FGF14: variants seen among roughly 807,000 people sequenced by gnomAD.
FGF14 encodes the protein fibroblast growth factor homologous factor 4.
In FGF14, 5 loss-of-function variants were observed where a neutral mutation model predicts 25.5. The ratio of observed to expected loss-of-function variants is 0.20; its 90% CI spans 0.10 to 0.41. FGF14 has a LOEUF of 0.41. Among genes scored for constraint, FGF14 ranks in the 10% least tolerant of loss-of-function variants. The pLI is 1.00. For synonymous variants in FGF14, 138 were observed against 118.3 expected (o/e 1.17, Z -1.08); for missense variants, 222 against 320.1 (o/e 0.69, Z 2.34).
At chr13:102,296,012 G>T (rs2054689756) in intron 1 of FGF14, among the ~76,000 whole-genome samples, 1 of 152,154 alleles carries the variant, frequency 6.6e-6, no homozygotes. Context: ...GCTCCTTAAT[G>T]TTGGTTATGT....
At chr13:102,398,574 A>G (rs1322902474) in intron 1 of FGF14, among the ~76,000 whole-genome samples, 2 of 152,134 alleles carry the variant, frequency 1.3e-5, no homozygotes, top group African/African-American at 4.8e-5. Flanking sequence ...TTCTCTTTTT[A>G]AATTTAAGAT....
At chr13:102,117,760 T>C (rs2045540785) in intron 1 of FGF14, among the ~76,000 whole-genome samples, 1 of 152,190 alleles carries the variant, frequency 6.6e-6, no homozygotes. Context: ...ATATATATGG[T>C]GTGCAACATT....
At chr13:101,831,917 G>A (rs187232874) in intron 3 of FGF14, among the ~76,000 whole-genome samples, 2 of 152,094 alleles carry the variant, frequency 1.3e-5, no homozygotes, top group African/African-American at 4.8e-5. Flanking sequence ...GGGCGTGATA[G>A]TGTGTGATTG....
At chr13:101,983,951 T>C (rs746430283) in intron 1 of FGF14, among the ~76,000 whole-genome samples, 32 of 152,170 alleles carry the variant, frequency 2.1e-4, no homozygotes, top group Non-Finnish European at 4.4e-4. Flanking sequence ...CTGGGATCAC[T>C]GGTCACGCTT....
rs183351583 is a variant in FGF14 at position 102,142,036 on chromosome 13, A to G, written c.208+259435T>C. ...TGCATGAGGGAAATAAGAAATATCA[A>G]TGGTTCATAAGATTTTAGACACAAA... On this transcript the variant is annotated intron_variant, in intron 1 of 4. Coordinates refer to the FGF14 transcript ENST00000376131. 4.6e-5 allele frequency among the ~76,000 whole-genome samples: 7 copies of G among 152,290 alleles called. No homozygotes were observed. In the East Asian group the frequency reaches 7.7e-4, roughly 17 times the overall value.
At chr13:101,940,537 A>G (rs952229361) in intron 1 of FGF14, among the ~76,000 whole-genome samples, 2 of 152,176 alleles carry the variant, frequency 1.3e-5, no homozygotes, top group Non-Finnish European at 2.9e-5. Context: ...TACTTGAACT[A>G]CTTGATAGGG....
chr13:102,102,072 C>T (rs1429469679), intron 1 of FGF14, among the ~76,000 whole-genome samples: 2 of 152,152 alleles, frequency 1.3e-5, no homozygotes, highest in Non-Finnish European at 2.9e-5. Context: ...CTCAGCATTC[C>T]TTCAAGGAAC....
chr13:101,720,441 T>C lies in FGF14; in HGVS notation c.*2390A>G, dbSNP rs1276892325. On this transcript the variant is annotated 3_prime_UTR_variant, in exon 5 of 5. Transcript: ENST00000376143. Reference sequence around the variant, plus strand: ...TCATTTACAAAAATAAATCTTGTCTTAATTTAAACCAATAAACAGACTTGC... The same window carrying C: ...TCATTTACAAAAATAAATCTTGTCTCAATTTAAACCAATAAACAGACTTGC... 6.6e-6 allele frequency: 1 copy of C among 152,076 alleles called. No homozygotes were observed. The highest frequency in any genetic ancestry group is 1.5e-5 in the Non-Finnish European group (1 of 68,000). 9.4% of individuals were successfully genotyped at this position (152,076 alleles called of 1,614,324 possible).
chr13:102,158,489 G>A (rs61965261), intron 1 of FGF14, among the ~76,000 whole-genome samples: 9,223 of 142,734 alleles, frequency 0.065, 370 homozygotes, highest in Non-Finnish European at 0.094. Flanking sequence ...ATGGACACAG[G>A]AAGGGGAACA....
intron 3 of FGF14, among the ~76,000 whole-genome samples, chr13:101,860,416 T>A (rs1359402089): frequency 6.6e-6 from 1 of 152,016 alleles, no homozygotes; most frequent in East Asian, 1.9e-4. Flanking sequence ...TACTCCTAGT[T>A]CAAGCCCTGA....
At chr13:102,352,288 CA>C (rs1566955841) in intron 1 of FGF14, among the ~76,000 whole-genome samples, 21 of 141,084 alleles carry the variant, frequency 1.5e-4, no homozygotes, top group African/African-American at 4.6e-4. Context: ...CACACACACA[CA>C]CCTGCAACAT....
chr13:102,215,070 A>G (rs2050314701), intron 1 of FGF14, among the ~76,000 whole-genome samples: 1 of 152,188 alleles, frequency 6.6e-6, no homozygotes, highest in Non-Finnish European at 1.5e-5. Flanking sequence ...GAAACATATC[A>G]CTATTCACTC....
intron 1 of FGF14, among the ~76,000 whole-genome samples, chr13:102,018,742 C>T (rs1241556079): frequency 6.6e-6 from 1 of 152,000 alleles, no homozygotes; most frequent in African/African-American, 2.4e-5. Context: ...GAAAACTCTT[C>T]CTCTTAAGTC....
At chr13:102,205,469 G>A (rs1183527712) in intron 1 of FGF14, among the ~76,000 whole-genome samples, 2 of 152,014 alleles carry the variant, frequency 1.3e-5, no homozygotes, top group Admixed American at 6.6e-5. Context: ...TATTGTGTGT[G>A]GGCATTAGAC....
chr13:102,272,436 C>A (rs1011449527), intron 1 of FGF14, among the ~76,000 whole-genome samples: 1 of 152,002 alleles, frequency 6.6e-6, no homozygotes, highest in Admixed American at 6.6e-5. Context: ...ATAGAAGATA[C>A]CTTGTCCATA....
At chr13:102,323,921 T>C (rs1566936969) in intron 1 of FGF14, among the ~76,000 whole-genome samples, 1 of 151,842 alleles carries the variant, frequency 6.6e-6, no homozygotes, top group South Asian at 2.1e-4. Context: ...GAATGTTATA[T>C]ATCAGATGAC....
At chr13:101,859,432 C>T (rs964710528) in intron 3 of FGF14, among the ~76,000 whole-genome samples, 1 of 152,028 alleles carries the variant, frequency 6.6e-6, no homozygotes, top group Admixed American at 6.6e-5. Flanking sequence ...TTTTAAACCA[C>T]AATTTTTAAC....
At chr13:101,779,977 G>A (rs1346609291) in intron 3 of FGF14, among the ~76,000 whole-genome samples, 1 of 151,984 alleles carries the variant, frequency 6.6e-6, no homozygotes, top group Non-Finnish European at 1.5e-5. Context: ...CTTCTCTGTG[G>A]TTCTATGGTA....
intron 3 of FGF14, among the ~76,000 whole-genome samples, chr13:101,729,945 A>G (rs1382164661): frequency 6.6e-6 from 1 of 152,212 alleles, no homozygotes; most frequent in Admixed American, 6.5e-5. Context: ...TGGTATTGTG[A>G]AAGGCAAGAG....
Sources: gnomAD v4.1 joint callset for allele counts (sites outside exome capture counted in the v4.1 genomes callset) on GRCh38, gnomAD v4.1.1 for gene constraint, MANE v1.5 for transcripts, NCBI Gene and HGNC (gene_info 2026-07-23, HGNC 2026-07-21) for gene names.